The following SUPT7L variants were observed in gnomAD, a reference collection of about 807,000 sequenced individuals.
SUPT7L encodes the protein STAGA complex 65 subunit gamma.
Under a neutral mutation model 35.7 loss-of-function variants are expected in SUPT7L, and 15 were observed. That is an observed-to-expected ratio of 0.42 (90% CI 0.28 to 0.65). SUPT7L has a LOEUF of 0.65. Ranked by LOEUF, SUPT7L falls within the 30% of genes least tolerant of loss-of-function variation. The pLI, the probability that SUPT7L is intolerant of heterozygous loss-of-function variation, is 0.23. For synonymous variants in SUPT7L, 168 were observed against 186.2 expected (o/e 0.90, Z 0.79); for missense variants, 434 against 522.2 (o/e 0.83, Z 1.65).
In SUPT7L at chr2:27,661,040, C is replaced by T. The variant is rs926116120; in HGVS notation, c.363G>A (p.Lys121=). 1.6e-5 allele frequency: 26 copies of T among 1,614,150 alleles called. No homozygotes were observed. The highest frequency in any genetic ancestry group is 4.5e-5 in the East Asian group (2 of 44,886). The change falls in exon 3 of 6, where the codon AAG becomes AAA. Residue 121 remains lysine (K), a synonymous_variant. Transcript: ENST00000337768. ...LPDDLLPLDC[K]NPNAPFQIRH... is the part of the protein sequence containing the mutation. ...GGATCTGGAATGGTGCATTGGGATT[C>T]TTACAATCTAAAGGCAGGAGGTCAT...
chr2:27,643,633 C>G, the SUPT7L span, among the ~76,000 whole-genome samples: 1 of 152,156 alleles, frequency 6.6e-6, no homozygotes, highest in Non-Finnish European at 1.5e-5. This position sits in a 1 kb window ranked among gnomAD's most constrained non-coding sequence, Gnocchi z 4.0. Context: ...GAATCTGGAA[C>G]AGTGCCTTAG....
At chr2:27,658,808 T>TC (rs1674916068) in intron 3 of SUPT7L, among the ~76,000 whole-genome samples, 1 of 152,250 alleles carries the variant, frequency 6.6e-6, no homozygotes, top group Admixed American at 6.5e-5. Context: ...GCTAAAGGCC[T>TC]CATAAGTACC....
chr2:27,663,581 A>T lies in SUPT7L; in HGVS notation c.-342T>A. 3.2e-6 allele frequency: 2 copies of T among 619,060 alleles called. No individual in the cohort carries two copies. The highest frequency in any genetic ancestry group is 5.6e-6 in the Non-Finnish European group (2 of 356,106). 38.3% of individuals were successfully genotyped at this position (619,060 alleles called of 1,614,324 possible). A position where few individuals can be genotyped will look rare whatever the true frequency, so the allele number is the denominator to read the frequency against. Reference sequence around the variant, plus strand: ...AGAGGCCTGAGGCAAGGATCGCGTCAGACCCCGAAAGCTGGTTTGTTGATT... The same window carrying T: ...AGAGGCCTGAGGCAAGGATCGCGTCTGACCCCGAAAGCTGGTTTGTTGATT... On this transcript the variant is annotated 5_prime_UTR_variant, in exon 1 of 6. Transcript: ENST00000337768.
intron 5 of SUPT7L, 95 bp from the exon 6 acceptor site, chr2:27,653,842 GC>G: frequency 1.4e-6 from 2 of 1,445,814 alleles, no homozygotes; most frequent in Non-Finnish European, 1.9e-6. Flanking sequence ...CAACTAATAT[GC>G]TTTGAGCTCA....
At position 27,657,250 on chromosome 2, in the gene SUPT7L, G is replaced by C. The variant is rs1674846304; in HGVS notation, c.744+95C>G. 2 of 1,345,582 alleles carry C rather than the reference G, an allele frequency of 1.5e-6. No homozygotes were observed. Among genetic ancestry groups the C allele is most frequent in the Non-Finnish European group, 2.0e-6 (2 of 979,550 alleles). The allele number at this position is 1,345,582 out of a possible 1,614,324, so 83.4% of individuals were successfully genotyped here. On this transcript the variant is annotated intron_variant, in intron 4 of 5. Transcript: ENST00000337768. This position sits in a 1 kb window ranked among gnomAD's most constrained non-coding sequence, Gnocchi z 5.2. ...TAAGTTCACTCTGTTCCAAGACTCT[G>C]TGCTCTGCACTCTAGACCAAGTGTT...
At chr2:27,644,723 GTTTTTT>G in the SUPT7L span, among the ~76,000 whole-genome samples, 3 of 101,744 alleles carry the variant, frequency 2.9e-5, no homozygotes, top group African/African-American at 1.2e-4. Flanking sequence ...TTTTGGTAGT[GTTTTTT>G]TTTTTTTTTT....
intron 2 of SUPT7L, 117 bp from the exon 3 acceptor site, chr2:27,661,505 C>T (rs374524858): frequency 5.3e-6 from 8 of 1,510,540 alleles, no homozygotes; most frequent in Middle Eastern, 2.2e-4. Flanking sequence ...GTGAAAAATA[C>T]GAGGTCTAGC....
rs1674590040 is a variant in SUPT7L, at chr2:27,652,216, A to T, written c.*1269T>A. 6.6e-6 allele frequency: 1 copy of T among 152,244 alleles called. No individual in the cohort carries two copies. Among genetic ancestry groups the T allele is most frequent in the South Asian group, 2.1e-4 (1 of 4,830 alleles). The allele number at this position is 152,244 out of a possible 1,614,324, so 9.4% of individuals were successfully genotyped here. A position where few individuals can be genotyped will look rare whatever the true frequency, so the allele number is the denominator to read the frequency against. ...CAGAAAGGGTTTAGAGAAATGTGCT[A>T]AAGAGTTACAATTGGCAAATTTAAA... On this transcript the variant is annotated 3_prime_UTR_variant, in exon 6 of 6. Coordinates refer to ENST00000337768, the MANE Select transcript of SUPT7L (RefSeq NM_014860.3).
downstream of SUPT7L, among the ~76,000 whole-genome samples, chr2:27,646,096 C>A (rs1336060965): frequency 1.3e-5 from 2 of 152,172 alleles, no homozygotes; most frequent in African/African-American, 4.8e-5. Flanking sequence ...GGCTGGAGTG[C>A]AATGGCGCGA....
In SUPT7L at chr2:27,653,705, A is replaced by C; in HGVS notation, c.1025T>G (p.Val342Gly). 6.2e-7 allele frequency: 1 copy of C among 1,614,186 alleles called. No individual in the cohort carries two copies. Among genetic ancestry groups the C allele is most frequent in the Non-Finnish European group, 8.5e-7 (1 of 1,180,028 alleles). Residue 342 changes from valine to glycine, a missense_variant, in exon 6 of 6, where the codon GTG (valine) becomes GGG (glycine). By Grantham distance (109) the Val-to-Gly change is moderately radical (BLOSUM62 -3). Coordinates refer to ENST00000337768, the MANE Select transcript of SUPT7L (RefSeq NM_014860.3). ...TTCACTTTCTTGAGGCTCCATTTTC[A>C]CATGGGCCAGATTCCAAAGAGGAGA... The part of the protein sequence containing the change: ...NASPLWNLAH[V>G]KMEPQESEEG...
chr2:27,661,795 C>G, intron 2 of SUPT7L: 1 of 422,396 alleles, frequency 2.4e-6, no homozygotes, highest in Non-Finnish European at 4.0e-6. Context: ...CACGCTCAAT[C>G]CTGAACAATA....
chr2:27,653,282 G>T lies in SUPT7L; in HGVS notation c.*203C>A. On this transcript the variant is annotated 3_prime_UTR_variant, in exon 6 of 6. Transcript: ENST00000337768. ...CATCATATTTTATCTGTGAAGGGTG[G>T]CTTGGTTGTGGAAAACTATAAAAAC... 1.5e-6 allele frequency: 1 copy of T among 646,360 alleles called. No homozygotes were observed. Among genetic ancestry groups the T allele is most frequent in the Non-Finnish European group, 2.6e-6 (1 of 388,650 alleles). 40.0% of individuals were successfully genotyped at this position (646,360 alleles called of 1,614,324 possible). A position where few individuals can be genotyped will look rare whatever the true frequency, so the allele number is the denominator to read the frequency against.
At chr2:27,662,950 C>CTTTTTT (rs11315948) in intron 1 of SUPT7L, among the ~76,000 whole-genome samples, 5 of 102,522 alleles carry the variant, frequency 4.9e-5, no homozygotes, top group South Asian at 3.7e-4. Flanking sequence ...TGGATTTTTT[C>CTTTTTT]TTTTTTTTTT....
intron 5 of SUPT7L, 104 bp from the exon 6 acceptor site, chr2:27,653,851 TCA>T (rs1674673006): frequency 2.8e-6 from 4 of 1,417,758 alleles, no homozygotes; most frequent in African/African-American, 2.9e-5. Context: ...TGCTTTGAGC[TCA>T]GTTTTCACTC....
At chr2:27,662,123 A>C in intron 2 of SUPT7L, 56 bp downstream of exon 2, 2 of 1,613,798 alleles carry the variant, frequency 1.2e-6, no homozygotes, top group South Asian at 2.2e-5. Flanking sequence ...TATTGGAAAA[A>C]GTCAGAATTC....
At chr2:27,653,824 C>A in intron 5 of SUPT7L, 77 bp from the exon 6 acceptor site, 1 of 1,552,490 alleles carries the variant, frequency 6.4e-7, no homozygotes. Context: ...AAATATATCA[C>A]TCAGAACCAA....
the SUPT7L span, among the ~76,000 whole-genome samples, chr2:27,642,913 GAA>G: frequency 6.8e-6 from 1 of 147,510 alleles, no homozygotes; most frequent in Admixed American, 7.0e-5. Context: ...ATGAGAGAGA[GAA>G]AGAGAAAAAG....
In SUPT7L at chr2:27,653,511, A is replaced by T. The variant is rs1394806008; in HGVS notation, c.1219T>A (p.Cys407Ser). The T allele has an allele frequency of 1.2e-6, 2 of 1,614,174 alleles. No homozygotes were observed. The highest frequency in any genetic ancestry group is 3.3e-5 in the Admixed American group (2 of 60,018). ...MGSSPVFNQRCKKRMRKI is the reference protein window; with the variant it reads ...MGSSPVFNQRSKKRMRKI ...TATATTTTCCTCATCCTCTTCTTGC[A>T]GCGCTGGTTGAAAACAGGGGAGGAC... is the stretch of plus-strand genomic sequence containing the variant. Residue 407 changes from cysteine to serine, a missense_variant, in exon 6 of 6, where the codon TGC (cysteine) becomes AGC (serine). Physicochemically the swap from Cys to Ser is moderately radical, Grantham distance 112. Transcript: ENST00000337768.
At position 27,652,227 on chromosome 2, in the gene SUPT7L, A is replaced by G. The variant is rs1456063795; in HGVS notation, c.*1258T>C. The G allele has an allele frequency of 6.6e-6, 1 of 152,270 alleles. No individual in the cohort carries two copies. 9.4% of individuals were successfully genotyped at this position (152,270 alleles called of 1,614,324 possible). Reference sequence around the variant, plus strand: ...TAGAGAAATGTGCTAAAGAGTTACAATTGGCAAATTTAAAATTATATGTTA... The same window carrying G: ...TAGAGAAATGTGCTAAAGAGTTACAGTTGGCAAATTTAAAATTATATGTTA... On this transcript the variant is annotated 3_prime_UTR_variant, in exon 6 of 6. Coordinates refer to ENST00000337768, the MANE Select transcript of SUPT7L (RefSeq NM_014860.3).
Sources: allele counts gnomAD v4.1 joint callset (sites outside exome capture counted in the v4.1 genomes callset), GRCh38; gene constraint gnomAD v4.1.1; non-coding constraint Gnocchi (gnomAD v3.1); transcripts MANE v1.5; gene names NCBI Gene and HGNC (gene_info 2026-07-23, HGNC 2026-07-21).